Variants in STEAP1B observed in about 807,000 individuals in gnomAD.
The protein encoded by STEAP1B is STEAP family protein MGC87042.
Under a neutral mutation model 27.9 loss-of-function variants are expected in STEAP1B, and 13 were observed. The observed-to-expected ratio is 0.47, with a 90% CI of 0.30 to 0.74. STEAP1B has a LOEUF of 0.74. Among genes scored for constraint, STEAP1B ranks in the 30% least tolerant of loss-of-function variants. STEAP1B has a pLI of 0.06. For missense variants in STEAP1B, 250 were observed against 298.7 expected, an observed-to-expected ratio of 0.84 and a Z score of 1.20; for synonymous variants, 86 against 107.1, an observed-to-expected ratio of 0.80 and a Z score of 1.22.
rs1364952108 is a variant in STEAP1B, at chr7:22,493,714, TGGAA to T, written c.203_206del (p.Phe68TyrfsTer9). 1 of 1,613,884 alleles carries T rather than the reference TGGAA, an allele frequency of 6.2e-7. No homozygotes were observed. The highest frequency in any genetic ancestry group is 1.3e-5 in the African/African-American group (1 of 74,934). On this transcript the variant is annotated frameshift_variant, in exon 3 of 5. Transcript: ENST00000678116. LOFTEE classifies it high-confidence loss of function. Reference sequence around the variant, plus strand: ...CTATTTTAATTGGCAAGTGCCACTGTGGAAAGAGTTCCTGTGCGTGCTGAAGTTC... The same window carrying T: ...CTATTTTAATTGGCAAGTGCCACTGTAGAGTTCCTGTGCGTGCTGAAGTTC...
At chr7:22,442,723 T>C (rs2128402355) in intron 4 of STEAP1B, among the ~76,000 whole-genome samples, 1 of 152,236 alleles carries the variant, frequency 6.6e-6, no homozygotes, top group South Asian at 2.1e-4. Flanking sequence ...CTTGCTGAGT[T>C]TGAGACATTG....
At chr7:22,498,571 A>C (rs1281375625) in intron 1 of STEAP1B, among the ~76,000 whole-genome samples, 1 of 152,242 alleles carries the variant, frequency 6.6e-6, no homozygotes, top group African/African-American at 2.4e-5. Context: ...CAACAATGTA[A>C]GGCAGGAGGA....
intron 4 of STEAP1B, among the ~76,000 whole-genome samples, chr7:22,463,847 A>G (rs1364356550): frequency 4.0e-5 from 6 of 151,678 alleles, no homozygotes; most frequent in Admixed American, 3.9e-4. Context: ...TAAAACCATA[A>G]AAACCCTAGA....
intron 4 of STEAP1B, among the ~76,000 whole-genome samples, chr7:22,463,653 G>A (rs543360941): frequency 4.7e-4 from 71 of 152,150 alleles, no homozygotes; most frequent in Admixed American, 1.2e-3. Flanking sequence ...ATAACGCCGC[G>A]TATCTACAAC....
In STEAP1B at chr7:22,485,602, C is replaced by G. The variant is rs142186072; in HGVS notation, c.762+6963G>C. 4.7e-3 allele frequency among the ~76,000 whole-genome samples: 709 copies of G among 152,304 alleles called. 5 individuals are homozygous for G. The highest frequency in any genetic ancestry group is 0.016 in the African/African-American group (674 of 41,580). ...CTCCTGACTTCAAATGATTCTCTCA[C>G]CTTGGCCTCCCAAATAGCTAAATAT... On this transcript the variant is annotated intron_variant, in intron 4 of 4. Coordinates refer to ENST00000678116, the MANE Select transcript of STEAP1B (RefSeq NM_001382447.1).
At position 22,456,891 on chromosome 7, in the gene STEAP1B, G is replaced by T. The variant is rs114514551; in HGVS notation, c.762+35674C>A. Among the ~76,000 whole-genome samples, 409 of 145,498 alleles carry T rather than the reference G, an allele frequency of 2.8e-3. 5 individuals carry two copies. The highest frequency in any genetic ancestry group is 9.9e-3 in the African/African-American group (388 of 39,060). On this transcript the variant is annotated intron_variant, in intron 4 of 4. Transcript: ENST00000678116. ...CGGAACTCGCCAAGCCCAGCTGCGTGTAAGATTCACCCTGGCTGCACCGCA... is the reference window on the plus strand; with the variant it reads ...CGGAACTCGCCAAGCCCAGCTGCGTTTAAGATTCACCCTGGCTGCACCGCA...
chr7:22,464,500 G>A (rs1360900574), intron 4 of STEAP1B, among the ~76,000 whole-genome samples: 3 of 152,070 alleles, frequency 2.0e-5, no homozygotes, highest in Non-Finnish European at 4.4e-5. Context: ...GCCTGCCCCC[G>A]TCATTCTTAC....
chr7:22,421,143 A>G (rs555834263), intron 4 of STEAP1B, among the ~76,000 whole-genome samples: 1 of 152,374 alleles, frequency 6.6e-6, no homozygotes, highest in South Asian at 2.1e-4. Context: ...ATATTAATCT[A>G]TTGAACACTG....
At chr7:22,451,931 C>CT (rs1785498301) in intron 4 of STEAP1B, among the ~76,000 whole-genome samples, 1 of 152,128 alleles carries the variant, frequency 6.6e-6, no homozygotes, top group East Asian at 1.9e-4. Flanking sequence ...CACTCCTTCT[C>CT]TATTTTTTGC....
At chr7:22,461,563 C>T (rs922599155) in intron 4 of STEAP1B, among the ~76,000 whole-genome samples, 2 of 152,154 alleles carry the variant, frequency 1.3e-5, no homozygotes, top group African/African-American at 4.8e-5. Flanking sequence ...GTGGCTGGCC[C>T]ACGGAAGGAA....
At chr7:22,450,391 A>G (rs564615463) in intron 4 of STEAP1B, among the ~76,000 whole-genome samples, 1 of 152,286 alleles carries the variant, frequency 6.6e-6, no homozygotes, top group Non-Finnish European at 1.5e-5. Context: ...TCTTCTGCAT[A>G]TGGATATCCA....
At chr7:22,444,090 G>T (rs76256958) in intron 4 of STEAP1B, among the ~76,000 whole-genome samples, 1 of 152,178 alleles carries the variant, frequency 6.6e-6, no homozygotes, top group East Asian at 1.9e-4. Context: ...ACAGAGTCAC[G>T]CTCAGGGCTT....
intron 4 of STEAP1B, among the ~76,000 whole-genome samples, chr7:22,434,508 A>C (rs1785230357): frequency 6.9e-6 from 1 of 144,846 alleles, no homozygotes; most frequent in African/African-American, 2.5e-5. Context: ...AAATACATTA[A>C]GACTAGTAAG....
chr7:22,477,004 T>C (rs1233363513), intron 4 of STEAP1B, among the ~76,000 whole-genome samples: 1 of 152,174 alleles, frequency 6.6e-6, no homozygotes, highest in Non-Finnish European at 1.5e-5. Flanking sequence ...CTCCCCAACA[T>C]GGCACTTTCT....
rs183571106 is a variant in STEAP1B, at chr7:22,453,592, T to C, written c.763-33756A>G. ...TTAGTTCTAAAATTAGGACATAATA[T>C]AAAATACACAAATTGATGACCTTTT... On this transcript the variant is annotated intron_variant, in intron 4 of 4. Transcript: ENST00000678116. Among the ~76,000 whole-genome samples the C allele has an allele frequency of 8.5e-5, 13 of 152,346 alleles. No individual in the cohort carries two copies. The East Asian group carries it at 2.1e-3, about 25-fold the overall frequency.
At chr7:22,431,977 C>T (rs904074340) in intron 4 of STEAP1B, among the ~76,000 whole-genome samples, 3 of 152,148 alleles carry the variant, frequency 2.0e-5, no homozygotes, top group African/African-American at 4.8e-5. Context: ...TGAATGTTTG[C>T]GTCTCTCCAA....
intron 4 of STEAP1B, among the ~76,000 whole-genome samples, chr7:22,489,592 G>C (rs532445420): frequency 6.6e-6 from 1 of 152,278 alleles, no homozygotes; most frequent in East Asian, 1.9e-4. Flanking sequence ...ACACAGAGAC[G>C]GACAGGCACA....
chr7:22,490,137 T>C (rs1583354566), intron 4 of STEAP1B, among the ~76,000 whole-genome samples: 1 of 151,922 alleles, frequency 6.6e-6, no homozygotes, highest in Non-Finnish European at 1.5e-5. Context: ...TATCTTTTTC[T>C]TCAAAATTAT....
In STEAP1B at chr7:22,456,972, A is replaced by ATATATATATATAT; in HGVS notation, c.762+35592_762+35593insATATATATATATA. Reference sequence around the variant, plus strand: ...GGCAGCTATATATATATATATATATATTTTTTTTTTTTTTAAGTATCCTGG... The same window carrying ATATATATATATAT: ...GGCAGCTATATATATATATATATATATATATATATATATTTTTTTTTTTTTTTAAGTATCCTGG... On this transcript the variant is annotated intron_variant, in intron 4 of 4. Coordinates refer to ENST00000678116, the MANE Select transcript of STEAP1B (RefSeq NM_001382447.1). Among the ~76,000 whole-genome samples the ATATATATATATAT allele has an allele frequency of 1.8e-4, 10 of 57,040 alleles. 1 individual carries two copies. The highest frequency in any genetic ancestry group is 6.3e-4 in the African/African-American group (9 of 14,246). The allele number at this position is 57,040 out of a possible 152,430, so 37.4% of individuals were successfully genotyped here. A position where few individuals can be genotyped will look rare whatever the true frequency, so the allele number is the denominator to read the frequency against.
Sources: allele counts gnomAD v4.1 joint callset (sites outside exome capture counted in the v4.1 genomes callset), GRCh38; gene constraint gnomAD v4.1.1; transcripts MANE v1.5; gene names NCBI Gene and HGNC (gene_info 2026-07-23, HGNC 2026-07-21).